Variants in SCRG1 observed in about 807,000 individuals in gnomAD.
SCRG1 encodes the protein stimulator of chondrogenesis 1.
Under a neutral mutation model 7.7 loss-of-function variants are expected in SCRG1, and 3 were observed. The observed-to-expected ratio is 0.39, with a 90% CI of 0.18 to 1.01. The LOEUF is 1.01. Among genes scored for constraint, SCRG1 ranks in the 50% least tolerant of loss-of-function variants. SCRG1 has a pLI of 0.36. For synonymous variants in SCRG1, 46 were observed against 41.2 expected, an observed-to-expected ratio of 1.12 and a Z score of -0.44; for missense variants, 110 against 117.2, an observed-to-expected ratio of 0.94 and a Z score of 0.28.
At chr4:173,471,149 C>G in the SCRG1 span, among the ~76,000 whole-genome samples, 3 of 152,088 alleles carry the variant, frequency 2.0e-5, no homozygotes, top group Non-Finnish European at 4.4e-5. Context: ...AAAAAAGAAA[C>G]CATCTGATTG....
chr4:173,417,090 AT>A, the SCRG1 span, among the ~76,000 whole-genome samples: 1 of 150,634 alleles, frequency 6.6e-6, no homozygotes, highest in African/African-American at 2.4e-5. Flanking sequence ...CAATCACATC[AT>A]CACACACAAC....
At chr4:173,463,515 C>T in the SCRG1 span, among the ~76,000 whole-genome samples, 1 of 152,116 alleles carries the variant, frequency 6.6e-6, no homozygotes, top group Non-Finnish European at 1.5e-5. Context: ...CTCGAGTGAT[C>T]TGCCCACCTT....
chr4:173,397,516 A>T (rs1739640133), intron 1 of SCRG1, among the ~76,000 whole-genome samples: 1 of 152,312 alleles, frequency 6.6e-6, no homozygotes, highest in Admixed American at 6.5e-5. Flanking sequence ...GATACCATTT[A>T]TATCCTAATA....
chr4:173,496,447 T>C, the SCRG1 span, among the ~76,000 whole-genome samples: 1 of 152,140 alleles, frequency 6.6e-6, no homozygotes, highest in African/African-American at 2.4e-5. Flanking sequence ...GAAGAGACTA[T>C]TGGTATGCAA....
At chr4:173,494,950 A>G in the SCRG1 span, among the ~76,000 whole-genome samples, 4 of 152,238 alleles carry the variant, frequency 2.6e-5, no homozygotes, top group African/African-American at 9.6e-5. Context: ...CTGAGAGGAA[A>G]GAAAAAGAAG....
At chr4:173,449,835 C>T in the SCRG1 span, among the ~76,000 whole-genome samples, 22 of 152,266 alleles carry the variant, frequency 1.4e-4, no homozygotes, top group South Asian at 2.3e-3. Flanking sequence ...TCCTCCTGCA[C>T]GCCCCTTCTC....
the SCRG1 span, among the ~76,000 whole-genome samples, chr4:173,481,669 A>G: frequency 6.6e-6 from 1 of 152,096 alleles, no homozygotes; most frequent in Non-Finnish European, 1.5e-5. Context: ...CTTGAAGAGG[A>G]CACGGATGAA....
chr4:173,387,978 G>C lies in SCRG1; in HGVS notation c.*363C>G, dbSNP rs906702230. 3 of 169,838 alleles carry C rather than the reference G, an allele frequency of 1.8e-5. No homozygotes were observed. The highest frequency in any genetic ancestry group is 3.7e-5 in the Non-Finnish European group (3 of 80,412). 10.5% of individuals were successfully genotyped at this position (169,838 alleles called of 1,614,324 possible). On this transcript the variant is annotated 3_prime_UTR_variant, in exon 3 of 3. Transcript: ENST00000296506. ...CTTCCAAGAATCTCAGCTTATACCT[G>C]GTTCTTTCAATATGTGGTTAATAAC...
At chr4:173,452,537 C>T in the SCRG1 span, among the ~76,000 whole-genome samples, 4 of 152,156 alleles carry the variant, frequency 2.6e-5, no homozygotes, top group African/African-American at 7.2e-5. Flanking sequence ...TTTTTACAAA[C>T]GGAAAAATGC....
upstream of SCRG1, among the ~76,000 whole-genome samples, chr4:173,409,614 AGTCTCGCT>A (rs1357023613): frequency 7.6e-6 from 1 of 132,048 alleles, no homozygotes; most frequent in Non-Finnish European, 1.6e-5. Context: ...TTTGAGACAG[AGTCTCGCT>A]CTGTTGCCCA....
chr4:173,474,933 C>T, the SCRG1 span, among the ~76,000 whole-genome samples: 1 of 151,718 alleles, frequency 6.6e-6, no homozygotes, highest in Non-Finnish European at 1.5e-5. Flanking sequence ...ATCTCTCTCT[C>T]TCTTTTCCTC....
At chr4:173,428,472 G>A in the SCRG1 span, among the ~76,000 whole-genome samples, 14 of 152,276 alleles carry the variant, frequency 9.2e-5, no homozygotes, top group African/African-American at 3.4e-4. Flanking sequence ...AATTATATTT[G>A]TTAGGTTATG....
At chr4:173,413,081 A>G in the SCRG1 span, among the ~76,000 whole-genome samples, 4 of 152,062 alleles carry the variant, frequency 2.6e-5, no homozygotes, top group East Asian at 7.7e-4. Flanking sequence ...CTGATGCACA[A>G]TTTCCTTTGG....
the SCRG1 span, among the ~76,000 whole-genome samples, chr4:173,483,831 A>ATATATGATATATGATATATCATATATG: frequency 6.5e-5 from 1 of 15,464 alleles, no homozygotes; most frequent in Non-Finnish European, 1.7e-4. Context: ...TAATATATAT[A>ATATATGATATATGATATATCATATATG]ATATATAATA....
At chr4:173,391,097 C>G in intron 2 of SCRG1, 76 bp downstream of exon 2, 10 of 1,493,722 alleles carry the variant, frequency 6.7e-6, no homozygotes, top group Non-Finnish European at 9.2e-6. Context: ...TTTCAGCAAA[C>G]CTATTATGAA....
At chr4:173,428,996 A>G in the SCRG1 span, among the ~76,000 whole-genome samples, 1 of 152,198 alleles carries the variant, frequency 6.6e-6, no homozygotes, top group East Asian at 1.9e-4. Flanking sequence ...TAAAAAATGT[A>G]TTGTTGGGTT....
the SCRG1 span, among the ~76,000 whole-genome samples, chr4:173,426,359 C>T: frequency 6.6e-6 from 1 of 152,172 alleles, no homozygotes; most frequent in Non-Finnish European, 1.5e-5. Flanking sequence ...TCCTCCCCTC[C>T]CCGACTTCTT....
chr4:173,475,524 A>G, the SCRG1 span, among the ~76,000 whole-genome samples: 1 of 152,238 alleles, frequency 6.6e-6, no homozygotes, highest in African/African-American at 2.4e-5. Flanking sequence ...CACTGTGAAA[A>G]AGAGTTTAGC....
chr4:173,440,457 G>T, the SCRG1 span, among the ~76,000 whole-genome samples: 1 of 152,182 alleles, frequency 6.6e-6, no homozygotes, highest in African/African-American at 2.4e-5. Context: ...TGGCTTGATT[G>T]GTTTACTTTA....
Sources: gnomAD v4.1 joint callset for allele counts (sites outside exome capture counted in the v4.1 genomes callset) on GRCh38, gnomAD v4.1.1 for gene constraint, MANE v1.5 for transcripts, NCBI Gene and HGNC (gene_info 2026-07-23, HGNC 2026-07-21) for gene names.